OTOG: variants seen among roughly 807,000 people sequenced by gnomAD.
OTOG encodes the protein otogelin.
OTOG carries 296 observed loss-of-function variants against 313.8 expected under a neutral mutation model. That is an observed-to-expected ratio of 0.94 (90% confidence interval 0.86 to 1.04). The LOEUF (loss-of-function observed/expected upper bound fraction) is 1.04. Among genes scored for constraint, OTOG ranks in the 50% least tolerant of loss-of-function variants. OTOG has a pLI of 0.00. For missense variants in OTOG, 3,948 were observed against 3,840.1 expected (o/e 1.03, Z -0.74); for synonymous variants, 1,533 against 1,554.9 (o/e 0.99, Z 0.33).
chr11:17,593,963 A>G (rs778050087), intron 27 of OTOG, 84 bp from the exon 28 acceptor site: 13 of 1,516,046 alleles, frequency 8.6e-6, no homozygotes, highest in Non-Finnish European at 1.1e-5. Flanking sequence ...TCTATGATAG[A>G]CTCCTGGGCT....
At chr11:17,558,468 T>C (rs1347985184) in intron 9 of OTOG, 70 bp from the exon 10 acceptor site, 2 of 1,530,794 alleles carry the variant, frequency 1.3e-6, no homozygotes, top group East Asian at 2.5e-5. Context: ...ACAGCTCAAG[T>C]TGGGGTTCTG....
intron 26 of OTOG, 40 bp from the exon 27 acceptor site, chr11:17,593,570 G>T: frequency 1.3e-6 from 2 of 1,542,678 alleles, no homozygotes; most frequent in African/African-American, 1.4e-5. Flanking sequence ...GGGCGCTAGG[G>T]GGCACTTGGG....
At chr11:17,588,538 G>A (rs998236627) in intron 24 of OTOG, among the ~76,000 whole-genome samples, 1 of 152,152 alleles carries the variant, frequency 6.6e-6, no homozygotes, top group African/African-American at 2.4e-5. Flanking sequence ...TGGATACATA[G>A]GCTTAGGAAG....
chr11:17,579,369 C>T lies in OTOG; in HGVS notation c.2759+843C>T, dbSNP rs975998138. Among the ~76,000 whole-genome samples the T allele has an allele frequency of 2.0e-5, 3 of 152,264 alleles. No homozygotes were observed. In the South Asian group the frequency reaches 6.2e-4, roughly 32 times the overall value. On this transcript the variant is annotated intron_variant, in intron 23 of 55. Coordinates refer to ENST00000399397, the MANE Select transcript of OTOG (RefSeq NM_001292063.2). ...CTTTCATGTTATTACCTCCTTCAGTCTCAGAGCATCCATGGCAGAGAGGAG... is the reference window on the plus strand; with the variant it reads ...CTTTCATGTTATTACCTCCTTCAGTTTCAGAGCATCCATGGCAGAGAGGAG...
chr11:17,548,196 C>T lies in OTOG; in HGVS notation c.200C>T (p.Thr67Ile), dbSNP rs1254874009. ...ACCCTTGCCATGGGGGACAAGGCTA[C>T]AGTCGTGGGAGGCCAGGTAAGGGAG... ...EATLAMGDKA[T>I]VVGGQQAEAP... is the part of the protein sequence containing the mutation. Residue 67 changes from threonine (T) to isoleucine (I), a missense_variant, in exon 3 of 56, where the codon ACA becomes ATA. Physicochemically the swap from Thr to Ile is moderately conservative, Grantham distance 89 (BLOSUM62 -1). Coordinates refer to ENST00000399397, the MANE Select transcript of OTOG (RefSeq NM_001292063.2). 4 of 1,547,544 alleles carry T rather than the reference C, an allele frequency of 2.6e-6. No individual in the cohort carries two copies. The highest frequency in any genetic ancestry group is 2.7e-5 in the African/African-American group (2 of 73,068).
In OTOG at chr11:17,629,198, A is replaced by C. The variant is rs1445259148; in HGVS notation, c.6594A>C (p.Thr2198=). 1.9e-6 allele frequency: 3 copies of C among 1,550,502 alleles called. No individual in the cohort carries two copies. Among genetic ancestry groups the C allele is most frequent in the Non-Finnish European group, 2.6e-6 (3 of 1,147,008 alleles). Residue 2198 remains threonine, a synonymous_variant, in exon 40 of 56, where the codon ACA becomes ACC. Coordinates refer to ENST00000399397, the MANE Select transcript of OTOG (RefSeq NM_001292063.2). ...GGTATGGATTCAGAATTGAGGACAC[A>C]GGCCACATGTACATGATCCTGACTC... is the stretch of plus-strand genomic sequence containing the variant. ...VSRYGFRIED[T]GHMYMILTPS...
At chr11:17,622,454 C>T (rs61880562) in intron 39 of OTOG, among the ~76,000 whole-genome samples, 23,570 of 152,110 alleles carry the variant, frequency 0.15, 1,917 homozygotes, top group Non-Finnish European at 0.18. Flanking sequence ...GTTGTGCTAT[C>T]AAACACTAAG....
chr11:17,578,248 G>A, intron 22 of OTOG, 125 bp from the exon 23 acceptor site: 1 of 1,405,834 alleles, frequency 7.1e-7, no homozygotes, highest in Non-Finnish European at 9.2e-7. Context: ...CAATGCCCAG[G>A]AGCGACCAGG....
chr11:17,567,188 A>T (rs1852308460), intron 15 of OTOG, among the ~76,000 whole-genome samples: 1 of 152,238 alleles, frequency 6.6e-6, no homozygotes, highest in African/African-American at 2.4e-5. Flanking sequence ...TGTGGGCTTT[A>T]TTCCCACACA....
At chr11:17,615,492 TG>T (rs1233230921) in intron 39 of OTOG, among the ~76,000 whole-genome samples, 1 of 152,248 alleles carries the variant, frequency 6.6e-6, no homozygotes, top group Non-Finnish European at 1.5e-5. Context: ...TACTTTTATG[TG>T]TATGTTGCAT....
rs1483343828 is a variant in OTOG at position 17,632,192 on chromosome 11, T to C, written c.7038T>C (p.His2346=). The C allele has an allele frequency of 1.3e-6, 2 of 1,551,080 alleles. No homozygotes were observed. The highest frequency in any genetic ancestry group is 2.0e-5 in the Admixed American group (1 of 51,010). Residue 2346 remains histidine, a synonymous_variant, in exon 42 of 56, where the codon CAT becomes CAC. Coordinates refer to ENST00000399397, the MANE Select transcript of OTOG (RefSeq NM_001292063.2). ...ACGTGGCCATGTGCCACAAATTTCA[T>C]GTGTGCATCGAGTGGCGGCGCTCTG... ...TVYVAMCHKF[H]VCIEWRRSDY...
At chr11:17,636,810 G>T (rs58620400) in intron 47 of OTOG, among the ~76,000 whole-genome samples, 2,797 of 152,046 alleles carry the variant, frequency 0.018, 89 homozygotes, top group African/African-American at 0.063. Context: ...CTGAGCCTCA[G>T]TTGGGCTGTC....
At position 17,632,215 on chromosome 11, in the gene OTOG, C is replaced by G; in HGVS notation, c.7061C>G (p.Ser2354Cys). 1 of 1,550,442 alleles carries G rather than the reference C, an allele frequency of 6.4e-7. No individual in the cohort carries two copies. The highest frequency in any genetic ancestry group is 1.4e-5 in the African/African-American group (1 of 73,174). The stretch of plus-strand genomic sequence containing the variant: ...CATGTGTGCATCGAGTGGCGGCGCT[C>G]TGACTACTGCCGTGAGTTTGCGGGG... The part of the protein sequence containing the change: ...KFHVCIEWRR[S>C]DYCPFLCSSD... Residue 2354 changes from serine (S) to cysteine (C), a missense_variant, in exon 42 of 56, where the codon TCT becomes TGT. Ser to Cys is a moderately radical substitution (Grantham distance 112). Transcript: ENST00000399397.
In OTOG at chr11:17,570,235, G is replaced by A. The variant is rs776580695; in HGVS notation, c.1800G>A (p.Leu600=). The change falls in exon 17 of 56, where the codon CTG becomes CTA. Residue 600 remains leucine, a synonymous_variant. Coordinates refer to ENST00000399397, the MANE Select transcript of OTOG (RefSeq NM_001292063.2). The part of the protein sequence containing the change: ...YTDDAFEIRR[L]SSVFLRVRTN... ...CAGATGCCTTTGAGATCCGTAGGCT[G>A]TCCTCCGTGTTCCTGCGGGTGAGGA... The A allele has an allele frequency of 1.0e-5, 16 of 1,550,734 alleles. No individual in the cohort carries two copies. The Admixed American group carries it at 1.6e-4, about 15-fold the overall frequency.
At position 17,596,937 on chromosome 11, in the gene OTOG, C is replaced by T. The variant is rs1032670211; in HGVS notation, c.3612C>T (p.Ser1204=). ...GTGACTGTGAGTGCTTCTGTGCCAG[C>T]GTCTCCGCTTATGCCCACCAGTGTT... The part of the protein sequence containing the change: ...QGGDCECFCA[S]VSAYAHQCCQ... The change falls in exon 30 of 56, where the codon AGC becomes AGT. Residue 1204 remains serine, a synonymous_variant. Coordinates refer to ENST00000399397, the MANE Select transcript of OTOG (RefSeq NM_001292063.2). The T allele has an allele frequency of 2.4e-5, 37 of 1,550,650 alleles. 1 individual carries two copies. The highest frequency in any genetic ancestry group is 8.3e-5 in the South Asian group (7 of 84,070).
chr11:17,643,418 G>T (rs768561165), intron 53 of OTOG, 43 bp from the exon 54 acceptor site: 6 of 1,355,344 alleles, frequency 4.4e-6, no homozygotes, highest in Admixed American at 3.2e-5. Flanking sequence ...GCCTGGACAG[G>T]GGTCTCCACA....
At chr11:17,644,264 G>C (rs1848030448) in intron 54 of OTOG, among the ~76,000 whole-genome samples, 1 of 152,262 alleles carries the variant, frequency 6.6e-6, no homozygotes, top group African/African-American at 2.4e-5. Flanking sequence ...TTAGTCCAGG[G>C]CCCAGAGGGC....
At chr11:17,645,299 C>T (rs1848050681) in intron 54 of OTOG, among the ~76,000 whole-genome samples, 1 of 152,178 alleles carries the variant, frequency 6.6e-6, no homozygotes, top group Admixed American at 6.5e-5. Context: ...GCTTCTCTGC[C>T]CTAGCACAGA....
rs570948774 is a variant in OTOG at position 17,569,009 on chromosome 11, T to A, written c.1645-147T>A. 39 of 963,586 alleles carry A rather than the reference T, an allele frequency of 4.0e-5. No homozygotes were observed. The South Asian group carries it at 6.7e-4, about 17-fold the overall frequency. 59.7% of individuals were successfully genotyped at this position (963,586 alleles called of 1,614,324 possible). A position where few individuals can be genotyped will look rare whatever the true frequency, so the allele number is the denominator to read the frequency against. On this transcript the variant is annotated intron_variant, in intron 15 of 55. Transcript: ENST00000399397. ...TCCCAGACGAGGGTATTTGGTTGGA[T>A]GATCCCTGATATCTTTGGGGCTCTG... is the stretch of plus-strand genomic sequence containing the variant.
Sources: allele counts gnomAD v4.1 joint callset (sites outside exome capture counted in the v4.1 genomes callset), GRCh38; gene constraint gnomAD v4.1.1; transcripts MANE v1.5; gene names NCBI Gene and HGNC (gene_info 2026-07-23, HGNC 2026-07-21).